Variants in TAOK3 observed in about 807,000 individuals in gnomAD.
TAOK3 encodes the protein serine/threonine-protein kinase TAO3.
TAOK3 carries 40 observed loss-of-function variants against 120.4 expected under a neutral mutation model. The observed-to-expected ratio is 0.33, with a 90% CI of 0.26 to 0.43. The LOEUF is 0.43. TAOK3 is among the 20% of genes least tolerant of loss of function. The pLI is 1.00. For missense variants in TAOK3, 821 were observed against 1,112.1 expected (o/e 0.74, Z 3.72); for synonymous variants, 355 against 387.5 (o/e 0.92, Z 0.99).
chr12:118,358,515 T>C (rs927908830), intron 1 of TAOK3, among the ~76,000 whole-genome samples: 10 of 152,198 alleles, frequency 6.6e-5, no homozygotes, highest in African/African-American at 2.2e-4. Flanking sequence ...TTGTAAAATA[T>C]TGTTTTAAAG....
intron 1 of TAOK3, among the ~76,000 whole-genome samples, chr12:118,285,009 T>TAAA (rs550415823): frequency 6.9e-6 from 1 of 145,032 alleles, no homozygotes; most frequent in African/African-American, 2.5e-5. Context: ...TGCTTCATTG[T>TAAA]AAAAAAAAAA....
At chr12:118,267,884 CAAAAAAAAAA>C (rs60331520) in intron 1 of TAOK3, among the ~76,000 whole-genome samples, 2 of 78,864 alleles carry the variant, frequency 2.5e-5, no homozygotes, top group Admixed American at 1.5e-4. Flanking sequence ...GACTCCATCT[CAAAAAAAAAA>C]AAAAAAAAGG....
At chr12:118,229,987 A>C (rs2039690824) in intron 9 of TAOK3, among the ~76,000 whole-genome samples, 1 of 152,182 alleles carries the variant, frequency 6.6e-6, no homozygotes, top group South Asian at 2.1e-4. Context: ...GCCATGTTCT[A>C]AGCATATAAT....
intron 1 of TAOK3, among the ~76,000 whole-genome samples, chr12:118,326,738 T>C (rs2043951142): frequency 6.6e-6 from 1 of 152,214 alleles, no homozygotes; most frequent in Non-Finnish European, 1.5e-5. Context: ...TACTTACAGT[T>C]GTCACCATAT....
intron 9 of TAOK3, among the ~76,000 whole-genome samples, chr12:118,223,226 A>C (rs541004536): frequency 2.4e-4 from 36 of 147,902 alleles, no homozygotes; most frequent in Non-Finnish European, 4.4e-4. Flanking sequence ...GCCCGCCACC[A>C]CGCCCGGCTA....
chr12:118,333,436 T>A (rs769578688), intron 1 of TAOK3, among the ~76,000 whole-genome samples: 7 of 152,206 alleles, frequency 4.6e-5, no homozygotes, highest in African/African-American at 1.7e-4. Flanking sequence ...TAGATCTGAA[T>A]GGAAGTGAAA....
At chr12:118,299,368 T>TA (rs2042794109) in intron 1 of TAOK3, among the ~76,000 whole-genome samples, 1 of 152,176 alleles carries the variant, frequency 6.6e-6, no homozygotes, top group African/African-American at 2.4e-5. Flanking sequence ...TATAGTACTT[T>TA]AAAAAAATCA....
At chr12:118,366,377 TTC>T (rs1363378691) in intron 1 of TAOK3, among the ~76,000 whole-genome samples, 1 of 152,222 alleles carries the variant, frequency 6.6e-6, no homozygotes, top group African/African-American at 2.4e-5. Flanking sequence ...TAAGAAAGCA[TTC>T]TGTCTTGATT....
chr12:118,240,891 T>C (rs2040221950), intron 5 of TAOK3, among the ~76,000 whole-genome samples: 1 of 151,832 alleles, frequency 6.6e-6, no homozygotes, highest in Admixed American at 6.6e-5. Flanking sequence ...ATTTATATTA[T>C]GTACCTTGCA....
chr12:118,231,370 C>CT lies in TAOK3; in HGVS notation c.643+2303dup, dbSNP rs76340764. On this transcript the variant is annotated intron_variant, in intron 9 of 20. Coordinates refer to ENST00000392533, the MANE Select transcript of TAOK3 (RefSeq NM_016281.4). ...ATATTCAAATTTTCCTCCAGGAATT[C>CT]TTTTTTTTTTTTAATTAATACTTCT... 2.0e-3 allele frequency among the ~76,000 whole-genome samples: 284 copies of CT among 138,858 alleles called. 3 individuals are homozygous for CT. The East Asian group carries it at 0.022, about 11-fold the overall frequency. The allele number at this position is 138,858 out of a possible 152,430, so 91.1% of individuals were successfully genotyped here.
chr12:118,268,815 C>T (rs1481158730), intron 1 of TAOK3, among the ~76,000 whole-genome samples: 2 of 152,054 alleles, frequency 1.3e-5, no homozygotes, highest in Non-Finnish European at 2.9e-5. Context: ...TCAAGACCAG[C>T]CTAACCAACA....
At chr12:118,334,274 T>G (rs1226762672) in intron 1 of TAOK3, among the ~76,000 whole-genome samples, 1 of 152,132 alleles carries the variant, frequency 6.6e-6, no homozygotes, top group Non-Finnish European at 1.5e-5. Flanking sequence ...ATATGTAGTA[T>G]ACAATGAAAT....
chr12:118,263,979 G>A (rs1281207560), intron 2 of TAOK3, among the ~76,000 whole-genome samples: 3 of 152,154 alleles, frequency 2.0e-5, no homozygotes, highest in Admixed American at 6.6e-5. Context: ...GGAAGGAGAA[G>A]TGCTTGAACC....
At chr12:118,333,804 C>T (rs530901903) in intron 1 of TAOK3, among the ~76,000 whole-genome samples, 14 of 150,450 alleles carry the variant, frequency 9.3e-5, no homozygotes, top group African/African-American at 2.2e-4. Flanking sequence ...AACTACCATA[C>T]GATTCAGCAG....
chr12:118,367,070 A>C (rs189298176), intron 1 of TAOK3, among the ~76,000 whole-genome samples: 13 of 152,324 alleles, frequency 8.5e-5, no homozygotes, highest in Admixed American at 2.0e-4. Context: ...ACAACAACAA[A>C]AAAAATGTTT....
At chr12:118,232,686 A>T (rs1593242331) in intron 9 of TAOK3, among the ~76,000 whole-genome samples, 1 of 152,164 alleles carries the variant, frequency 6.6e-6, no homozygotes, top group East Asian at 1.9e-4. Flanking sequence ...CAGGCAGATC[A>T]CTTGAGGTTA....
intron 1 of TAOK3, among the ~76,000 whole-genome samples, chr12:118,270,783 TC>T (rs1221301589): frequency 1.3e-5 from 2 of 151,060 alleles, no homozygotes; most frequent in Admixed American, 1.3e-4. Context: ...CACGCCATTC[TC>T]CTGTCTCAGC....
chr12:118,358,049 T>C (rs2045466524), intron 1 of TAOK3, among the ~76,000 whole-genome samples: 2 of 152,216 alleles, frequency 1.3e-5, no homozygotes, highest in South Asian at 2.1e-4. Flanking sequence ...TGTTAGCCTA[T>C]GCATTTTATT....
chr12:118,160,659 A>G lies in TAOK3; in HGVS notation c.2140-301T>C, dbSNP rs2035154500. Among the ~76,000 whole-genome samples, 1 of 152,250 alleles carries G rather than the reference A, an allele frequency of 6.6e-6. No homozygotes were observed. Among genetic ancestry groups the G allele is most frequent in the Non-Finnish European group, 1.5e-5 (1 of 68,040 alleles). ...CAGATTGAGCGATACTATGAAGCTTAGCTTGTTGAAAGAGTGGCAACTCTT... is the reference window on the plus strand; with the variant it reads ...CAGATTGAGCGATACTATGAAGCTTGGCTTGTTGAAAGAGTGGCAACTCTT... On this transcript the variant is annotated intron_variant, in intron 18 of 20. Coordinates refer to ENST00000392533, the MANE Select transcript of TAOK3 (RefSeq NM_016281.4). The surrounding 1 kb of genome is among the most constrained non-coding windows in gnomAD (Gnocchi z 4.2).
Sources: allele counts gnomAD v4.1 joint callset (sites outside exome capture counted in the v4.1 genomes callset), GRCh38; gene constraint gnomAD v4.1.1; non-coding constraint Gnocchi (gnomAD v3.1); transcripts MANE v1.5; gene names NCBI Gene and HGNC (gene_info 2026-07-23, HGNC 2026-07-21).